The following CCSER1 variants were observed in gnomAD, a reference collection of about 807,000 sequenced individuals.
The protein encoded by CCSER1 is coiled-coil serine rich protein 1.
A neutral mutation model predicts 82.0 loss-of-function variants in CCSER1; 41 were observed. The ratio of observed to expected loss-of-function variants is 0.50; its 90% confidence interval spans 0.39 to 0.65. CCSER1 has a LOEUF of 0.65. Ranked by LOEUF, CCSER1 falls within the 30% of genes least tolerant of loss-of-function variation. The pLI is 0.00. For missense variants in CCSER1, 1,119 were observed against 1,064.2 expected (o/e 1.05, Z -0.72); for synonymous variants, 414 against 383.9 (o/e 1.08, Z -0.92).
At chr4:90,957,555 TATATATTATATA>T in intron 9 of CCSER1, among the ~76,000 whole-genome samples, 1 of 50,160 alleles carries the variant, frequency 2.0e-5, no homozygotes, top group South Asian at 6.0e-4. Context: ...AATTATATTA[TATATATTATATA>T]ATTATATTAT....
At chr4:90,491,088 T>C (rs745501135) in intron 5 of CCSER1, among the ~76,000 whole-genome samples, 27 of 152,116 alleles carry the variant, frequency 1.8e-4, no homozygotes, top group Non-Finnish European at 3.4e-4. Context: ...GGGAATGCCA[T>C]TGAAACTATA....
intron 10 of CCSER1, among the ~76,000 whole-genome samples, chr4:91,097,315 GGAACTT>G (rs1484859251): frequency 2.1e-5 from 3 of 142,978 alleles, no homozygotes; most frequent in Admixed American, 1.4e-4. Context: ...ACTGGCTATT[GGAACTT>G]TTGGATTAAG....
intron 9 of CCSER1, among the ~76,000 whole-genome samples, chr4:91,054,548 T>C (rs903733580): frequency 3.9e-5 from 6 of 152,170 alleles, no homozygotes; most frequent in Non-Finnish European, 5.9e-5. Flanking sequence ...TTTTGATTAC[T>C]ATTTGCATGG....
intron 9 of CCSER1, among the ~76,000 whole-genome samples, chr4:91,034,405 A>G (rs1178173133): frequency 6.6e-6 from 1 of 152,210 alleles, no homozygotes; most frequent in Non-Finnish European, 1.5e-5. Context: ...GTAAAGCTTC[A>G]TCTCAAATAC....
chr4:91,224,227 T>C (rs1737976850), intron 10 of CCSER1, among the ~76,000 whole-genome samples: 2 of 152,246 alleles, frequency 1.3e-5, no homozygotes, highest in South Asian at 4.1e-4. Flanking sequence ...CGCATCGGTC[T>C]ACCTTTATCT....
intron 3 of CCSER1, among the ~76,000 whole-genome samples, chr4:90,320,252 A>G (rs1260083380): frequency 1.3e-5 from 2 of 152,250 alleles, no homozygotes; most frequent in Non-Finnish European, 2.9e-5. Flanking sequence ...TTCTGGTTAA[A>G]TAATGATACA....
chr4:91,178,786 A>G (rs968315300), intron 10 of CCSER1, among the ~76,000 whole-genome samples: 3 of 151,772 alleles, frequency 2.0e-5, no homozygotes, highest in Admixed American at 1.3e-4. Flanking sequence ...TCTTTTAATG[A>G]GGGCATTTAG....
At position 91,332,786 on chromosome 4, in the gene CCSER1, T is replaced by G. The variant is rs370400921; in HGVS notation, c.2217+246792T>G. ...GTAACATCACCTTTCTTTCTGCTGCTAAATATCCAAGTGAAATCTGAACCT... is the reference window on the plus strand; with the variant it reads ...GTAACATCACCTTTCTTTCTGCTGCGAAATATCCAAGTGAAATCTGAACCT... On this transcript the variant is annotated intron_variant, in intron 10 of 10. Coordinates refer to ENST00000509176, the MANE Select transcript of CCSER1 (RefSeq NM_001145065.2). Among the ~76,000 whole-genome samples the G allele has an allele frequency of 2.2e-4, 33 of 152,122 alleles. No homozygotes were observed. The East Asian group carries it at 5.4e-3, about 25-fold the overall frequency.
chr4:90,309,907 T>C (rs762137332), intron 2 of CCSER1, among the ~76,000 whole-genome samples: 1 of 152,070 alleles, frequency 6.6e-6, no homozygotes, highest in African/African-American at 2.4e-5. Flanking sequence ...CAGAAGAAAG[T>C]GAATGGAAAG....
intron 7 of CCSER1, among the ~76,000 whole-genome samples, chr4:90,743,656 T>G (rs1353174768): frequency 6.6e-6 from 1 of 152,200 alleles, no homozygotes; most frequent in African/African-American, 2.4e-5. Context: ...CCTTTAAGCC[T>G]GAAGCTTTAA....
intron 4 of CCSER1, among the ~76,000 whole-genome samples, chr4:90,433,462 G>C (rs35972739): frequency 0.064 from 9,799 of 152,010 alleles, 425 homozygotes; most frequent in Non-Finnish European, 0.099. Flanking sequence ...GAGTCCCCAA[G>C]ACCATTTCTA....
chr4:91,552,608 A>G (rs955143823), intron 10 of CCSER1, among the ~76,000 whole-genome samples: 27 of 151,678 alleles, frequency 1.8e-4, no homozygotes, highest in Non-Finnish European at 2.7e-4. Flanking sequence ...AGTTCATTTT[A>G]TACACTGGAA....
chr4:91,087,165 TGAAA>T (rs1723473387), intron 10 of CCSER1, among the ~76,000 whole-genome samples: 1 of 152,062 alleles, frequency 6.6e-6, no homozygotes, highest in Admixed American at 6.6e-5. Context: ...CCTCCTAAAG[TGAAA>T]GTTTTCATCC....
intron 7 of CCSER1, chr4:90,780,606 C>T (rs1753638343): frequency 1.4e-6 from 2 of 1,458,388 alleles, no homozygotes; most frequent in Non-Finnish European, 1.8e-6. Context: ...AAGAAATAGG[C>T]AAAGGACAGT....
intron 8 of CCSER1, among the ~76,000 whole-genome samples, chr4:90,851,783 T>A (rs1763923574): frequency 6.6e-6 from 1 of 152,168 alleles, no homozygotes; most frequent in African/African-American, 2.4e-5. Flanking sequence ...TGAACATGTT[T>A]CTTTTTAAAT....
chr4:91,203,061 A>C (rs527687771), intron 10 of CCSER1, among the ~76,000 whole-genome samples: 4 of 152,110 alleles, frequency 2.6e-5, no homozygotes, highest in African/African-American at 7.2e-5. Context: ...GTAGACCAAG[A>C]AATCAAAGAA....
intron 7 of CCSER1, among the ~76,000 whole-genome samples, chr4:90,769,116 C>T (rs2149554166): frequency 6.6e-6 from 1 of 152,226 alleles, no homozygotes; most frequent in South Asian, 2.1e-4. Flanking sequence ...CCCTCTGTGT[C>T]CTCTGAAACA....
chr4:90,279,994 A>G (rs951803784), intron 1 of CCSER1, among the ~76,000 whole-genome samples: 9 of 152,088 alleles, frequency 5.9e-5, no homozygotes, highest in African/African-American at 2.2e-4. Flanking sequence ...TAAAAATGAT[A>G]GGAGTTAAGG....
At chr4:91,150,054 A>G (rs543728304) in intron 10 of CCSER1, among the ~76,000 whole-genome samples, 5 of 152,252 alleles carry the variant, frequency 3.3e-5, no homozygotes, top group African/African-American at 4.8e-5. Context: ...CATTGAATCT[A>G]TAAATTACCT....
Sources: gnomAD v4.1 joint callset for allele counts (sites outside exome capture counted in the v4.1 genomes callset) on GRCh38, gnomAD v4.1.1 for gene constraint, MANE v1.5 for transcripts, NCBI Gene and HGNC (gene_info 2026-07-23, HGNC 2026-07-21) for gene names.